The following LRRTM4 variants were observed in gnomAD, a reference collection of about 807,000 sequenced individuals.
LRRTM4 encodes leucine rich repeat transmembrane neuronal 4.
In LRRTM4, 25 loss-of-function variants were observed where a neutral mutation model predicts 47.6. That is an observed-to-expected ratio of 0.53 (90% CI 0.38 to 0.73). LRRTM4 has a LOEUF of 0.73. Among genes scored for constraint, LRRTM4 ranks in the 30% least tolerant of loss-of-function variants. The probability of loss-of-function intolerance (pLI) is 0.00; values close to 1 mark genes in which losing one functional copy is unlikely to be tolerated. For synonymous variants in LRRTM4, 311 were observed against 269.5 expected, an observed-to-expected ratio of 1.15 and a Z score of -1.51; for missense variants, 638 against 713.4, an observed-to-expected ratio of 0.89 and a Z score of 1.20.
intron 3 of LRRTM4, among the ~76,000 whole-genome samples, chr2:76,908,326 A>G: frequency 6.6e-6 from 1 of 152,196 alleles, no homozygotes; most frequent in Non-Finnish European, 1.5e-5. Context: ...TAAATTAGGT[A>G]TTGATGGGCC....
At chr2:77,227,742 T>C (rs1342097407) in intron 3 of LRRTM4, among the ~76,000 whole-genome samples, 3 of 152,130 alleles carry the variant, frequency 2.0e-5, no homozygotes, top group African/African-American at 7.2e-5. Context: ...CTGGCTAATT[T>C]TCAGTTAGAT....
intron 3 of LRRTM4, among the ~76,000 whole-genome samples, chr2:77,279,544 T>G (rs1676451875): frequency 6.6e-6 from 1 of 151,962 alleles, no homozygotes; most frequent in African/African-American, 2.4e-5. Context: ...ATAACATGCT[T>G]TCTTATTCTA....
chr2:77,187,472 TGTGGG>T (rs1321978116), intron 3 of LRRTM4, among the ~76,000 whole-genome samples: 1 of 71,668 alleles, frequency 1.4e-5, no homozygotes, highest in Non-Finnish European at 2.8e-5. Context: ...AGGGGACTGT[TGTGGG>T]GTGGGGGGAG....
chr2:77,262,807 T>C (rs78012623), intron 3 of LRRTM4, among the ~76,000 whole-genome samples: 5,519 of 152,136 alleles, frequency 0.036, 177 homozygotes, highest in African/African-American at 0.085. Context: ...ATAATGTATT[T>C]GTTCCTAATC....
intron 3 of LRRTM4, among the ~76,000 whole-genome samples, chr2:77,488,679 G>C (rs1033469148): frequency 6.6e-6 from 1 of 152,130 alleles, no homozygotes; most frequent in Non-Finnish European, 1.5e-5. Context: ...AAACCAGTTT[G>C]AATTAAGTTC....
intron 3 of LRRTM4, among the ~76,000 whole-genome samples, chr2:76,928,353 G>A (rs1573325702): frequency 6.6e-6 from 1 of 152,120 alleles, no homozygotes; most frequent in Non-Finnish European, 1.5e-5. Context: ...CCATTCCAAA[G>A]TGTTATGAAT....
chr2:76,911,016 G>T (rs780249430), intron 3 of LRRTM4, among the ~76,000 whole-genome samples: 3 of 152,104 alleles, frequency 2.0e-5, no homozygotes, highest in African/African-American at 4.8e-5. Flanking sequence ...ATCTAAAGTG[G>T]CCAACTTTGC....
chr2:77,272,431 T>C (rs1012193075), intron 3 of LRRTM4, among the ~76,000 whole-genome samples: 2 of 152,170 alleles, frequency 1.3e-5, no homozygotes, highest in African/African-American at 4.8e-5. Context: ...GAAAGCAGCA[T>C]CAATTCATCA....
intron 3 of LRRTM4, among the ~76,000 whole-genome samples, chr2:77,316,702 C>T (rs901858266): frequency 3.3e-5 from 5 of 151,988 alleles, no homozygotes; most frequent in African/African-American, 1.2e-4. Context: ...CACATGCCAC[C>T]ACACCTACAT....
intron 3 of LRRTM4, among the ~76,000 whole-genome samples, chr2:77,261,313 A>G (rs1225105741): frequency 6.6e-6 from 1 of 152,164 alleles, no homozygotes; most frequent in Non-Finnish European, 1.5e-5. Flanking sequence ...ACAGCTAGAC[A>G]CGGTCATATA....
In LRRTM4 at chr2:77,007,894, G is replaced by T. The variant is rs763354415; in HGVS notation, c.1552-258978C>A. Among the ~76,000 whole-genome samples, 3 of 152,114 alleles carry T rather than the reference G, an allele frequency of 2.0e-5. No individual in the cohort carries two copies. In the East Asian group the frequency reaches 5.8e-4, roughly 29 times the overall value. On this transcript the variant is annotated intron_variant, in intron 3 of 3. Transcript: ENST00000409884. ...GACATGGCAAAGGTTAAGTGATTTT[G>T]TCCTATATCCAAGATAGCTTTCATA... is the stretch of plus-strand genomic sequence containing the variant.
At chr2:77,224,818 G>C (rs1202784279) in intron 3 of LRRTM4, among the ~76,000 whole-genome samples, 1 of 152,082 alleles carries the variant, frequency 6.6e-6, no homozygotes, top group Non-Finnish European at 1.5e-5. Flanking sequence ...TCCTCTCAGG[G>C]ATCTAGAACT....
intron 3 of LRRTM4, among the ~76,000 whole-genome samples, chr2:76,875,171 C>T (rs1358096505): frequency 6.6e-6 from 1 of 152,094 alleles, no homozygotes; most frequent in African/African-American, 2.4e-5. Flanking sequence ...TTTTATTTTA[C>T]TTTTCAATAA....
intron 3 of LRRTM4, among the ~76,000 whole-genome samples, chr2:77,323,672 A>C (rs1670643431): frequency 1.3e-5 from 2 of 152,130 alleles, no homozygotes; most frequent in South Asian, 4.1e-4. Flanking sequence ...GGAGAGGTTA[A>C]ATGGCTTACT....
Position 76,873,532 on chromosome 2 carries a change from A to ATATG in LRRTM4, c.1552-124617_1552-124616insCATA, listed in dbSNP as rs1397078673. Among the ~76,000 whole-genome samples, 15 of 146,094 alleles carry ATATG rather than the reference A, an allele frequency of 1.0e-4. 1 individual carries two copies. The highest frequency in any genetic ancestry group is 2.8e-4 in the African/African-American group (11 of 39,568). ...TATATATATATATATATATATATATATACAACATAGTTGTAAAATCAACTT... is the reference window on the plus strand; with the variant it reads ...TATATATATATATATATATATATATATATGTACAACATAGTTGTAAAATCAACTT... On this transcript the variant is annotated intron_variant, in intron 3 of 3. Coordinates refer to ENST00000409884, the MANE Select transcript of LRRTM4 (RefSeq NM_001134745.3).
chr2:77,299,305 A>G (rs1421413255), intron 3 of LRRTM4, among the ~76,000 whole-genome samples: 3 of 151,150 alleles, frequency 2.0e-5, no homozygotes, highest in African/African-American at 4.9e-5. Context: ...GTATATATAC[A>G]CGTATATACA....
intron 3 of LRRTM4, among the ~76,000 whole-genome samples, chr2:76,930,944 A>T (rs557679068): frequency 2.6e-5 from 4 of 152,274 alleles, no homozygotes; most frequent in African/African-American, 9.6e-5. Flanking sequence ...TATCATCCAA[A>T]AAGAATATTT....
At chr2:77,017,660 A>G (rs1397016434) in intron 3 of LRRTM4, among the ~76,000 whole-genome samples, 3 of 152,320 alleles carry the variant, frequency 2.0e-5, no homozygotes, top group South Asian at 2.1e-4. Context: ...TTGTATATAC[A>G]TAACTCCTCT....
At chr2:77,438,560 C>T (rs1675704715) in intron 3 of LRRTM4, among the ~76,000 whole-genome samples, 1 of 151,832 alleles carries the variant, frequency 6.6e-6, no homozygotes, top group South Asian at 2.1e-4. Flanking sequence ...GCGCCTGCCA[C>T]CACTCCAGGC....
Sources: allele counts gnomAD v4.1 joint callset (sites outside exome capture counted in the v4.1 genomes callset), GRCh38; gene constraint gnomAD v4.1.1; transcripts MANE v1.5; gene names NCBI Gene and HGNC (gene_info 2026-07-23, HGNC 2026-07-21).